Variants in IL1RAPL1 observed in about 807,000 individuals in gnomAD.
IL1RAPL1 encodes the protein interleukin 1 receptor accessory protein like 1, also known as interleukin-1 receptor accessory protein-like 1.
In IL1RAPL1, 3 loss-of-function variants were observed where a neutral mutation model predicts 48.4. That is an observed-to-expected ratio of 0.06 (90% CI 0.03 to 0.16). IL1RAPL1 has a LOEUF of 0.16. Ranked by LOEUF, IL1RAPL1 falls within the 10% of genes least tolerant of loss-of-function variation. IL1RAPL1 has a pLI of 1.00. For synonymous variants in IL1RAPL1, 185 were observed against 187.7 expected (o/e 0.99, Z 0.12); for missense variants, 349 against 530.6 (o/e 0.66, Z 3.36).
chrX:28,789,479 C>A, intron 2 of IL1RAPL1, 54 bp downstream of exon 2: 1 of 845,661 alleles, frequency 1.2e-6, no homozygotes. Context: ...AGTGATAGTG[C>A]TACATCTACA....
At chrX:28,821,044 G>T (rs1936932838) in intron 2 of IL1RAPL1, among the ~76,000 whole-genome samples, 1 of 111,355 alleles carries the variant, frequency 9.0e-6, no homozygotes, top group African/African-American at 3.3e-5. Context: ...AACACCGGAC[G>T]CTGTCAAGCA....
At chrX:29,303,974 T>C (rs1468074259) in intron 3 of IL1RAPL1, among the ~76,000 whole-genome samples, 1 of 111,677 alleles carries the variant, frequency 9.0e-6, no homozygotes, top group Non-Finnish European at 1.9e-5. Flanking sequence ...ATTAAATGTG[T>C]AATTTTATTT....
At chrX:28,788,222 A>T (rs1010078546) in intron 1 of IL1RAPL1, among the ~76,000 whole-genome samples, 1 of 111,902 alleles carries the variant, frequency 8.9e-6, no homozygotes, top group African/African-American at 3.3e-5. Context: ...ATCATTTCAC[A>T]ATATATATGC....
chrX:28,846,937 A>G (rs1407178847), intron 2 of IL1RAPL1, among the ~76,000 whole-genome samples: 5 of 111,286 alleles, frequency 4.5e-5, no homozygotes, highest in South Asian at 3.8e-4. Flanking sequence ...GGCTTTAAAT[A>G]CCATTTTTAT....
At chrX:28,614,739 A>G (rs1934192298) in intron 1 of IL1RAPL1, among the ~76,000 whole-genome samples, 4 of 111,778 alleles carry the variant, frequency 3.6e-5, no homozygotes, top group South Asian at 7.5e-4. Context: ...TGCTTCGAAT[A>G]TTGACCTCCC....
intron 2 of IL1RAPL1, among the ~76,000 whole-genome samples, chrX:29,221,130 A>C (rs929832755): frequency 9.0e-6 from 1 of 111,425 alleles, no homozygotes; most frequent in Non-Finnish European, 1.9e-5. Flanking sequence ...ACCCGGCCTT[A>C]GTGTATATCT....
intron 1 of IL1RAPL1, among the ~76,000 whole-genome samples, chrX:28,646,741 A>T (rs763884549): frequency 3.0e-4 from 34 of 112,475 alleles, no homozygotes; most frequent in Non-Finnish European, 5.6e-4. Flanking sequence ...TCTTAGTAGC[A>T]ATTTCAATTT....
At chrX:29,067,175 T>A (rs1324286785) in intron 2 of IL1RAPL1, among the ~76,000 whole-genome samples, 2 of 111,780 alleles carry the variant, frequency 1.8e-5, no homozygotes, top group African/African-American at 6.5e-5. Flanking sequence ...ATCATACTGC[T>A]GTTCTGGAAG....
intron 6 of IL1RAPL1, among the ~76,000 whole-genome samples, chrX:29,916,586 G>C (rs1398950271): frequency 9.0e-6 from 1 of 111,619 alleles, no homozygotes. Context: ...CCATTTAGCG[G>C]TAGCAAGATC....
At chrX:29,885,525 A>G (rs1024570720) in intron 6 of IL1RAPL1, among the ~76,000 whole-genome samples, 5 of 111,757 alleles carry the variant, frequency 4.5e-5, no homozygotes, top group African/African-American at 1.6e-4. Context: ...AAGCATATAC[A>G]ATCAGACGGG....
chrX:29,727,077 G>A (rs1057015087), intron 6 of IL1RAPL1, among the ~76,000 whole-genome samples: 3 of 111,649 alleles, frequency 2.7e-5, no homozygotes, highest in African/African-American at 6.5e-5. Flanking sequence ...ATAATTTGGC[G>A]ATGATATCTG....
intron 6 of IL1RAPL1, among the ~76,000 whole-genome samples, chrX:29,849,586 A>G (rs1408382990): frequency 8.9e-6 from 1 of 111,869 alleles, no homozygotes. Context: ...CCTGTCTGAG[A>G]TGGTGACATA....
chrX:29,738,660 G>A (rs373067311), intron 6 of IL1RAPL1, among the ~76,000 whole-genome samples: 3 of 109,792 alleles, frequency 2.7e-5, no homozygotes, highest in Non-Finnish European at 5.7e-5. Context: ...GGCTGGTCTC[G>A]AACTCCTGGG....
At chrX:28,755,365 G>T (rs1936095066) in intron 1 of IL1RAPL1, among the ~76,000 whole-genome samples, 1 of 112,449 alleles carries the variant, frequency 8.9e-6, no homozygotes, top group Non-Finnish European at 1.9e-5. Flanking sequence ...CTAGCCACAT[G>T]TGGCTGTGTA....
intron 6 of IL1RAPL1, among the ~76,000 whole-genome samples, chrX:29,912,823 G>C (rs187286409): frequency 2.5e-4 from 28 of 112,089 alleles, no homozygotes; most frequent in African/African-American, 8.7e-4. Context: ...TACAAACACA[G>C]TCCCATCATT....
At chrX:29,433,093 G>T (rs1415705055) in intron 5 of IL1RAPL1, among the ~76,000 whole-genome samples, 2 of 109,088 alleles carry the variant, frequency 1.8e-5, no homozygotes, top group East Asian at 2.9e-4. Context: ...CTGCCTTTTG[G>T]GGTGCCATAA....
chrX:28,821,381 A>G (rs1018302302), intron 2 of IL1RAPL1, among the ~76,000 whole-genome samples: 7 of 110,904 alleles, frequency 6.3e-5, no homozygotes, highest in African/African-American at 2.3e-4. Context: ...TAGGATGTGG[A>G]CAAAATTGAG....
intron 5 of IL1RAPL1, among the ~76,000 whole-genome samples, chrX:29,543,288 A>G (rs1921504155): frequency 9.0e-6 from 1 of 110,778 alleles, no homozygotes; most frequent in African/African-American, 3.3e-5. Flanking sequence ...AGCACTTAGT[A>G]GGTGTTTAAT....
At chrX:29,631,209 AT>A (rs1203435371) in intron 5 of IL1RAPL1, among the ~76,000 whole-genome samples, 3 of 110,763 alleles carry the variant, frequency 2.7e-5, no homozygotes, top group African/African-American at 6.6e-5. Flanking sequence ...ATTTGTATTT[AT>A]TTTTTTTCCA....
Sources: allele counts gnomAD v4.1 joint callset (sites outside exome capture counted in the v4.1 genomes callset), GRCh38; gene constraint gnomAD v4.1.1; transcripts MANE v1.5; gene names NCBI Gene and HGNC (gene_info 2026-07-23, HGNC 2026-07-21).